The following LZIC variants were observed in gnomAD, a reference collection of about 807,000 sequenced individuals.
LZIC encodes the protein protein LZIC.
Under a neutral mutation model 25.4 loss-of-function variants are expected in LZIC, and 28 were observed. The observed-to-expected ratio is 1.10, with a 90% CI of 0.82 to 1.51. The LOEUF (loss-of-function observed/expected upper bound fraction) is 1.51, where lower values mean the gene tolerates loss of function less well. Ranked by LOEUF, LZIC falls within the 40% of genes most tolerant of loss-of-function variation. LZIC has a pLI of 0.00. For missense variants in LZIC, 170 were observed against 211.1 expected (o/e 0.81, Z 1.21); for synonymous variants, 65 against 70.7 (o/e 0.92, Z 0.40).
Position 9,929,673 on chromosome 1 carries a change from C to T in LZIC, c.*726G>A, listed in dbSNP as rs1274638667. ...CCAACCTCAAAATTCCGAGATACAACGGGCCCCATTAATACAGACAGCTTA... is the reference window on the plus strand; with the variant it reads ...CCAACCTCAAAATTCCGAGATACAATGGGCCCCATTAATACAGACAGCTTA... On this transcript the variant is annotated 3_prime_UTR_variant, in exon 8 of 8. Coordinates refer to ENST00000377223, the MANE Select transcript of LZIC (RefSeq NM_032368.5). 16 of 985,280 alleles carry T rather than the reference C, an allele frequency of 1.6e-5. No individual in the cohort carries two copies. Among genetic ancestry groups the T allele is most frequent in the East Asian group, 1.1e-4 (1 of 8,832 alleles). The allele number at this position is 985,280 out of a possible 1,614,324, so 61.0% of individuals were successfully genotyped here.
intron 2 of LZIC, 21 bp from the exon 3 acceptor site, chr1:9,936,648 A>C: frequency 6.8e-7 from 1 of 1,470,672 alleles, no homozygotes; most frequent in Non-Finnish European, 9.5e-7. Context: ...CAATAAACCC[A>C]CATACCATAT....
At chr1:9,936,407 C>T in intron 3 of LZIC, 112 bp downstream of exon 3, 1 of 696,712 alleles carries the variant, frequency 1.4e-6, no homozygotes, top group Non-Finnish European at 2.5e-6. Flanking sequence ...CAAAGCACTG[C>T]AAAGAACACT....
At chr1:9,924,500 G>A (rs12086598), downstream of LZIC, among the ~76,000 whole-genome samples, 17,950 of 151,942 alleles carry the variant, frequency 0.12, 1,279 homozygotes, top group African/African-American at 0.18. Flanking sequence ...GACTACAGGC[G>A]CATGCCACCA....
intron 2 of LZIC, among the ~76,000 whole-genome samples, chr1:9,941,348 C>T (rs1388590961): frequency 6.6e-6 from 1 of 151,918 alleles, no homozygotes; most frequent in Non-Finnish European, 1.5e-5. Context: ...GTGCCCGCCA[C>T]CACGCTCAGC....
rs1293210018 is a variant in LZIC, at chr1:9,936,763, C to T, written c.-8-136G>A. The T allele has an allele frequency of 1.3e-5, 8 of 629,156 alleles. No individual in the cohort carries two copies. The East Asian group carries it at 1.9e-4, about 15-fold the overall frequency. The allele number at this position is 629,156 out of a possible 1,614,324, so 39.0% of individuals were successfully genotyped here. ...TCGGAACATCTGGCCTAAAGTGACC[C>T]TCCCATCTTGGACTACCAAAGAGGT... On this transcript the variant is annotated intron_variant, in intron 2 of 7. Transcript: ENST00000377223.
At chr1:9,940,326 G>A (rs1052266242) in intron 2 of LZIC, among the ~76,000 whole-genome samples, 4 of 151,908 alleles carry the variant, frequency 2.6e-5, no homozygotes, top group Non-Finnish European at 5.9e-5. Flanking sequence ...ATAGGCACCC[G>A]CCACCACGCC....
intron 2 of LZIC, among the ~76,000 whole-genome samples, chr1:9,942,125 C>T (rs1640776994): frequency 6.6e-6 from 1 of 151,908 alleles, no homozygotes; most frequent in South Asian, 2.1e-4. Flanking sequence ...CCATGTTGTC[C>T]AGGCGAGTCT....
rs1002919148 is a variant in LZIC, at chr1:9,927,363, G to A, written c.*3036C>T. The stretch of plus-strand genomic sequence containing the variant: ...TCACTTTGTCAGCCAGTACAGTGGC[G>A]TGATCTCAGTTCACTGCAACCTCTG... On this transcript the variant is annotated 3_prime_UTR_variant, in exon 8 of 8. Coordinates refer to ENST00000377223, the MANE Select transcript of LZIC (RefSeq NM_032368.5). Among the ~76,000 whole-genome samples, 2 of 152,104 alleles carry A rather than the reference G, an allele frequency of 1.3e-5. No homozygotes were observed. The highest frequency in any genetic ancestry group is 1.9e-4 in the East Asian group (1 of 5,178).
intron 1 of LZIC, chr1:9,942,995 G>A: frequency 2.9e-6 from 1 of 342,000 alleles, no homozygotes; most frequent in South Asian, 2.3e-5. Context: ...ACGCCTTGAG[G>A]GATGGCGTCA....
intron 5 of LZIC, among the ~76,000 whole-genome samples, chr1:9,933,254 CAAAAAAAAAAA>C (rs60791463): frequency 2.3e-5 from 1 of 43,372 alleles, no homozygotes; most frequent in African/African-American, 8.9e-5. Flanking sequence ...GACTCCACCA[CAAAAAAAAAAA>C]AAAAAAAAAA....
chr1:9,942,682 T>A lies in LZIC; in HGVS notation c.-67A>T. Reference sequence around the variant, plus strand: ...CGACCGGTCTCAAATTGCACAAACCTCCAGTTCTTGACGTTCCGAGTGTCA... The same window carrying A: ...CGACCGGTCTCAAATTGCACAAACCACCAGTTCTTGACGTTCCGAGTGTCA... On this transcript the variant is annotated 5_prime_UTR_variant, in exon 2 of 8. Coordinates refer to ENST00000377223, the MANE Select transcript of LZIC (RefSeq NM_032368.5). 1 of 1,289,308 alleles carries A rather than the reference T, an allele frequency of 7.8e-7. No individual in the cohort carries two copies. Among genetic ancestry groups the A allele is most frequent in the Non-Finnish European group, 1.0e-6 (1 of 988,812 alleles). 79.9% of individuals were successfully genotyped at this position (1,289,308 alleles called of 1,614,324 possible).
intron 2 of LZIC, among the ~76,000 whole-genome samples, chr1:9,941,508 T>TC (rs1266630764): frequency 4.0e-5 from 6 of 149,872 alleles, no homozygotes; most frequent in African/African-American, 7.4e-5. Flanking sequence ...ACCTTTTTTT[T>TC]TTTTTTTTTT....
chr1:9,935,859 G>A (rs988847497), intron 3 of LZIC, among the ~76,000 whole-genome samples: 5 of 152,218 alleles, frequency 3.3e-5, no homozygotes, highest in African/African-American at 9.6e-5. Context: ...GCAGGGTGCC[G>A]TAGCTCACAC....
intron 2 of LZIC, 72 bp from the exon 3 acceptor site, chr1:9,936,699 T>C: frequency 2.0e-6 from 2 of 1,015,108 alleles, no homozygotes; most frequent in East Asian, 4.8e-5. Context: ...GTTTTATTTT[T>C]TGTAGAGACA....
chr1:9,935,064 G>T (rs955973390), intron 4 of LZIC, among the ~76,000 whole-genome samples: 1 of 152,082 alleles, frequency 6.6e-6, no homozygotes, highest in Non-Finnish European at 1.5e-5. Context: ...GGGAGGCCAA[G>T]GCAGGAGGAT....
At chr1:9,932,750 G>T (rs1570635228) in intron 6 of LZIC, 53 bp downstream of exon 6, 5 of 901,622 alleles carry the variant, frequency 5.5e-6, no homozygotes, top group Non-Finnish European at 8.9e-6. Flanking sequence ...AAGATGTTCT[G>T]TACCAAATAA....
At chr1:9,936,949 G>A (rs765012707) in intron 2 of LZIC, among the ~76,000 whole-genome samples, 4 of 152,110 alleles carry the variant, frequency 2.6e-5, no homozygotes, top group Non-Finnish European at 4.4e-5. Flanking sequence ...GGCTAACATG[G>A]TGAAACCCCA....
intron 2 of LZIC, among the ~76,000 whole-genome samples, chr1:9,939,727 C>G (rs1435253361): frequency 1.3e-5 from 2 of 151,928 alleles, no homozygotes; most frequent in South Asian, 2.1e-4. Context: ...TAATGACTTG[C>G]CTTTATTGTT....
chr1:9,930,351 A>C lies in LZIC; in HGVS notation c.*48T>G. 1.9e-6 allele frequency: 3 copies of C among 1,595,822 alleles called. No individual in the cohort carries two copies. Among genetic ancestry groups the C allele is most frequent in the Non-Finnish European group, 2.6e-6 (3 of 1,172,052 alleles). ...TAACTGAAAACCCCAGAAGAAAGAC[A>C]CCATTTACATTAAGAATGTGATCAA... is the stretch of plus-strand genomic sequence containing the variant. On this transcript the variant is annotated 3_prime_UTR_variant, in exon 8 of 8. Transcript: ENST00000377223.
Sources: allele counts gnomAD v4.1 joint callset (sites outside exome capture counted in the v4.1 genomes callset), GRCh38; gene constraint gnomAD v4.1.1; transcripts MANE v1.5; gene names NCBI Gene and HGNC (gene_info 2026-07-23, HGNC 2026-07-21).